The following OR2L13 variants were observed in gnomAD, a reference collection of about 807,000 sequenced individuals.
The protein encoded by OR2L13 is olfactory receptor family 2 subfamily L member 13.
Under a neutral mutation model 15.3 loss-of-function variants are expected in OR2L13, and 14 were observed. The ratio of observed to expected loss-of-function variants is 0.91; its 90% CI spans 0.60 to 1.43. OR2L13 has a LOEUF of 1.43. OR2L13 is among the 40% of genes most tolerant of loss of function. The pLI is 0.00. For missense variants in OR2L13, 367 were observed against 387.9 expected (o/e 0.95, Z 0.45); for synonymous variants, 152 against 142.9 (o/e 1.06, Z -0.45).
chr1:247,939,694 T>C, the OR2L13 span: 4 of 152,216 alleles, frequency 2.6e-5, no homozygotes, highest in Non-Finnish European at 4.4e-5. Flanking sequence ...TTAGTTTCTT[T>C]GGAAAGAAAA....
At chr1:247,990,364 T>C in the OR2L13 span, 1 of 1,557,562 alleles carries the variant, frequency 6.4e-7, no homozygotes, top group East Asian at 2.2e-5. Context: ...ATTAATTTCG[T>C]TTTCCTAATG....
chr1:248,007,456 T>C, the OR2L13 span, among the ~76,000 whole-genome samples: 1 of 152,172 alleles, frequency 6.6e-6, no homozygotes, highest in Non-Finnish European at 1.5e-5. Context: ...TTTCCCCTTA[T>C]GGTCATTAAG....
At chr1:248,049,404 C>T in the OR2L13 span, among the ~76,000 whole-genome samples, 9 of 152,254 alleles carry the variant, frequency 5.9e-5, no homozygotes, top group South Asian at 4.1e-4. Flanking sequence ...TTTGGAGAGT[C>T]GTAAATATTA....
the OR2L13 span, among the ~76,000 whole-genome samples, chr1:248,068,252 A>G: frequency 2.0e-3 from 306 of 152,216 alleles, 1 homozygote; most frequent in Non-Finnish European, 3.6e-3. Context: ...ACCCCCCAGT[A>G]GGGGCAGACT....
At chr1:248,022,112 C>G in the OR2L13 span, 3 of 1,613,952 alleles carry the variant, frequency 1.9e-6, no homozygotes, top group Non-Finnish European at 2.5e-6. Context: ...CCCATCTCCA[C>G]ACACCCATGT....
At chr1:247,960,824 A>C in the OR2L13 span, among the ~76,000 whole-genome samples, 1 of 152,166 alleles carries the variant, frequency 6.6e-6, no homozygotes, top group Non-Finnish European at 1.5e-5. Context: ...CCGATTTTCC[A>C]GGTGCTGTCT....
At chr1:248,056,655 G>A in the OR2L13 span, among the ~76,000 whole-genome samples, 2 of 138,970 alleles carry the variant, frequency 1.4e-5, no homozygotes, top group Admixed American at 8.1e-5. Flanking sequence ...CCCTGTAGTT[G>A]TGTGGTTTTG....
At chr1:247,947,560 G>T in the OR2L13 span, among the ~76,000 whole-genome samples, 2 of 152,068 alleles carry the variant, frequency 1.3e-5, no homozygotes, top group Non-Finnish European at 2.9e-5. Context: ...GCAATTGCAT[G>T]CTCCTCCAAG....
the OR2L13 span, among the ~76,000 whole-genome samples, chr1:247,964,785 A>G: frequency 3.4e-3 from 519 of 150,718 alleles, 2 homozygotes; most frequent in African/African-American, 0.011. Flanking sequence ...ATGTGTATAT[A>G]TGTGTATATG....
the OR2L13 span, among the ~76,000 whole-genome samples, chr1:248,027,940 A>G: frequency 6.6e-6 from 1 of 151,808 alleles, no homozygotes; most frequent in Non-Finnish European, 1.5e-5. Context: ...GGAGATCAAG[A>G]CCATCCTGGC....
At chr1:247,968,174 A>T in the OR2L13 span, among the ~76,000 whole-genome samples, 2 of 152,148 alleles carry the variant, frequency 1.3e-5, no homozygotes, top group African/African-American at 4.8e-5. Flanking sequence ...AATAAACTTT[A>T]TAATATAAAA....
chr1:248,024,932 A>G, the OR2L13 span, among the ~76,000 whole-genome samples: 1 of 152,122 alleles, frequency 6.6e-6, no homozygotes, highest in Non-Finnish European at 1.5e-5. Context: ...AGTTTTTTCC[A>G]ATTCTGTGAA....
chr1:247,994,207 T>C, the OR2L13 span, among the ~76,000 whole-genome samples: 2,636 of 152,148 alleles, frequency 0.017, 30 homozygotes, highest in Non-Finnish European at 0.029. Context: ...CCATCCTGGC[T>C]AACACGGTGA....
chr1:247,958,695 A>G, the OR2L13 span, among the ~76,000 whole-genome samples: 59 of 152,166 alleles, frequency 3.9e-4, no homozygotes, highest in African/African-American at 1.3e-3. Context: ...ACCATTATGT[A>G]ATGGCCTTCT....
At chr1:247,952,806 G>C in the OR2L13 span, among the ~76,000 whole-genome samples, 1 of 152,160 alleles carries the variant, frequency 6.6e-6, no homozygotes, top group Non-Finnish European at 1.5e-5. Flanking sequence ...TTCATGGAGG[G>C]AATCAGGAGA....
At chr1:248,083,903 G>A in the OR2L13 span, 60 of 1,611,280 alleles carry the variant, frequency 3.7e-5, no homozygotes, top group Non-Finnish European at 8.5e-7. Context: ...CCTTCTTGCG[G>A]GCTTCTGTAG....
the OR2L13 span, among the ~76,000 whole-genome samples, chr1:248,001,578 A>G: frequency 6.6e-6 from 1 of 152,024 alleles, no homozygotes; most frequent in African/African-American, 2.4e-5. Context: ...AAATAATAAA[A>G]GGACTATTTC....
the OR2L13 span, among the ~76,000 whole-genome samples, chr1:248,068,111 A>T: frequency 6.6e-6 from 1 of 152,184 alleles, no homozygotes; most frequent in East Asian, 1.9e-4. Flanking sequence ...TGAAGACTTA[A>T]ATGTCCCTGT....
chr1:247,938,864 G>A, the OR2L13 span: 1 of 152,154 alleles, frequency 6.6e-6, no homozygotes, highest in Non-Finnish European at 1.5e-5. Context: ...CTAAAGACAT[G>A]CATTTGTAGT....
Sources: allele counts gnomAD v4.1 joint callset (sites outside exome capture counted in the v4.1 genomes callset), GRCh38; gene constraint gnomAD v4.1.1; transcripts MANE v1.5; gene names NCBI Gene and HGNC (gene_info 2026-07-23, HGNC 2026-07-21).